RNF217: variants seen among roughly 807,000 people sequenced by gnomAD.
RNF217 encodes E3 ubiquitin-protein ligase RNF217.
RNF217 carries 31 observed loss-of-function variants against 57.8 expected under a neutral mutation model. The observed-to-expected ratio is 0.54, with a 90% CI of 0.40 to 0.72. The LOEUF is 0.72. Ranked by LOEUF, RNF217 falls within the 30% of genes least tolerant of loss-of-function variation. The probability of loss-of-function intolerance (pLI) is 0.00; values close to 1 mark genes in which losing one functional copy is unlikely to be tolerated. For synonymous variants in RNF217, 313 were observed against 294.0 expected (o/e 1.06, Z -0.66); for missense variants, 696 against 708.3 (o/e 0.98, Z 0.20).
At chr6:124,984,303 T>C (rs1335584345) in intron 1 of RNF217, among the ~76,000 whole-genome samples, 3 of 151,992 alleles carry the variant, frequency 2.0e-5, no homozygotes, top group African/African-American at 4.8e-5. Flanking sequence ...TTCCAGCACT[T>C]TGGGAAGGCA....
intron 4 of RNF217, among the ~76,000 whole-genome samples, chr6:125,079,501 T>A (rs1304490593): frequency 2.0e-5 from 3 of 150,974 alleles, no homozygotes; most frequent in Non-Finnish European, 4.4e-5. Context: ...CCAATACATA[T>A]GTTCAAAAAT....
At chr6:125,001,918 C>A (rs1785003344) in intron 1 of RNF217, among the ~76,000 whole-genome samples, 1 of 152,178 alleles carries the variant, frequency 6.6e-6, no homozygotes, top group African/African-American at 2.4e-5. Flanking sequence ...AGGGAGTATT[C>A]TCAGGCAGAC....
intron 5 of RNF217, chr6:125,082,443 A>G: frequency 6.2e-7 from 1 of 1,604,278 alleles, no homozygotes; most frequent in Non-Finnish European, 8.5e-7. Context: ...TATCTGTATT[A>G]TACAGTTGAG....
chr6:124,986,379 T>G (rs1784364353), intron 1 of RNF217, among the ~76,000 whole-genome samples: 1 of 152,196 alleles, frequency 6.6e-6, no homozygotes, highest in African/African-American at 2.4e-5. Flanking sequence ...CAGACTTCCT[T>G]TGATGTCATA....
intron 1 of RNF217, among the ~76,000 whole-genome samples, chr6:125,022,205 G>A (rs1785871822): frequency 6.6e-6 from 1 of 152,094 alleles, no homozygotes; most frequent in South Asian, 2.1e-4. Flanking sequence ...GTTCTAACAA[G>A]TGAGGCCCAC....
At chr6:125,069,102 A>T (rs1788042420) in intron 3 of RNF217, among the ~76,000 whole-genome samples, 1 of 152,160 alleles carries the variant, frequency 6.6e-6, no homozygotes, top group African/African-American at 2.4e-5. Context: ...TGGACAGTAT[A>T]CTACACTTTA....
At position 125,090,687 on chromosome 6, in the gene RNF217, G is replaced by A. The variant is rs1321966491; in HGVS notation, c.*7750G>A. ...CCAGATCTTGTCCATCATTTCATTAGATTGCATATTTTTAGTTTTCTATAA... is the reference window on the plus strand; with the variant it reads ...CCAGATCTTGTCCATCATTTCATTAAATTGCATATTTTTAGTTTTCTATAA... On this transcript the variant is annotated 3_prime_UTR_variant, in exon 6 of 6. Coordinates refer to ENST00000521654, the MANE Select transcript of RNF217 (RefSeq NM_001286398.3). The A allele has an allele frequency of 2.0e-5, 3 of 151,782 alleles. No individual in the cohort carries two copies. Among genetic ancestry groups the A allele is most frequent in the African/African-American group, 4.8e-5 (2 of 41,400 alleles). The allele number at this position is 151,782 out of a possible 1,614,324, so 9.4% of individuals were successfully genotyped here. A position where few individuals can be genotyped will look rare whatever the true frequency, so the allele number is the denominator to read the frequency against.
intron 1 of RNF217, among the ~76,000 whole-genome samples, chr6:125,036,117 C>T (rs1786605292): frequency 6.6e-6 from 1 of 151,948 alleles, no homozygotes; most frequent in Non-Finnish European, 1.5e-5. Context: ...TGATGTTCCC[C>T]TCCCTGTGTC....
chr6:125,076,689 T>A lies in RNF217; in HGVS notation c.1314T>A (p.His438Gln), dbSNP rs752209665. 1 of 1,612,520 alleles carries A rather than the reference T, an allele frequency of 6.2e-7. No individual in the cohort carries two copies. Among genetic ancestry groups the A allele is most frequent in the African/African-American group, 1.3e-5 (1 of 74,882 alleles). ...TCCAGCGAACTGAAGGATGTGACCA[T>A]ATGACCTGCTCACAATGTAACACTA... Reference protein sequence around the residue: ...IHIQRTEGCDHMTCSQCNTNF... With the variant: ...IHIQRTEGCDQMTCSQCNTNF... Residue 438 changes from histidine (H) to glutamine (Q), a missense_variant, in exon 4 of 6, where the codon CAT becomes CAA. Physicochemically the swap from His to Gln is conservative, Grantham distance 24 (BLOSUM62 0). This residue lies in a region of RNF217 where 231 missense variants were observed against 321.4 expected (regional missense o/e 0.72). Coordinates refer to ENST00000521654, the MANE Select transcript of RNF217 (RefSeq NM_001286398.3).
At chr6:125,001,148 C>T (rs1208348123) in intron 1 of RNF217, among the ~76,000 whole-genome samples, 1 of 152,038 alleles carries the variant, frequency 6.6e-6, no homozygotes, top group Non-Finnish European at 1.5e-5. Context: ...TGAGGCTTTT[C>T]TTACAAGGGA....
chr6:124,973,007 C>A (rs1783818638), intron 1 of RNF217, among the ~76,000 whole-genome samples: 1 of 152,040 alleles, frequency 6.6e-6, no homozygotes, highest in Admixed American at 6.5e-5. Flanking sequence ...TATATATACT[C>A]TATAAGTAGA....
chr6:125,024,695 G>A (rs1335965823), intron 1 of RNF217, among the ~76,000 whole-genome samples: 11 of 148,924 alleles, frequency 7.4e-5, no homozygotes, highest in Admixed American at 6.7e-4. Context: ...ACTCCAGCCT[G>A]GGTGACAGGG....
chr6:125,046,219 CG>C (rs1787094541), intron 2 of RNF217, among the ~76,000 whole-genome samples: 1 of 151,968 alleles, frequency 6.6e-6, no homozygotes. Context: ...GGTGGAGAGT[CG>C]GGAGAGGCAG....
At chr6:125,082,513 G>A (rs1001114820) in intron 5 of RNF217, 4 of 1,612,502 alleles carry the variant, frequency 2.5e-6, no homozygotes, top group African/African-American at 2.7e-5. Context: ...CCCAACATTT[G>A]GCTCCACAGC....
intron 1 of RNF217, among the ~76,000 whole-genome samples, chr6:125,037,396 T>G (rs1327388979): frequency 6.6e-6 from 1 of 152,202 alleles, no homozygotes; most frequent in African/African-American, 2.4e-5. Context: ...CTCTGGTTGC[T>G]TCTTGTTACT....
chr6:125,039,430 G>A (rs934275111), intron 1 of RNF217, among the ~76,000 whole-genome samples: 5 of 152,016 alleles, frequency 3.3e-5, no homozygotes, highest in Non-Finnish European at 5.9e-5. Flanking sequence ...CCCAATACAG[G>A]AGCACCCAGA....
At chr6:125,050,995 C>T (rs1787292899) in intron 2 of RNF217, among the ~76,000 whole-genome samples, 1 of 151,924 alleles carries the variant, frequency 6.6e-6, no homozygotes, top group Non-Finnish European at 1.5e-5. Context: ...ATATAACACT[C>T]AGCTATGATG....
chr6:125,081,393 T>G (rs759752023), intron 4 of RNF217, 43 bp from the exon 5 acceptor site: 66 of 1,429,138 alleles, frequency 4.6e-5, no homozygotes, highest in Non-Finnish European at 6.2e-5. Context: ...TTTGGTAGGT[T>G]AGTTTTAAGA....
chr6:125,044,320 C>G (rs1228210379), intron 1 of RNF217, among the ~76,000 whole-genome samples: 2 of 152,054 alleles, frequency 1.3e-5, no homozygotes, highest in Non-Finnish European at 2.9e-5. Flanking sequence ...TTATTGTTCA[C>G]TACTTACGAA....
Sources: gnomAD v4.1 joint callset for allele counts (sites outside exome capture counted in the v4.1 genomes callset) on GRCh38, gnomAD v4.1.1 for gene constraint, gnomAD v4.1.1 regional missense constraint, MANE v1.5 for transcripts, NCBI Gene and HGNC (gene_info 2026-07-23, HGNC 2026-07-21) for gene names.